The following EIPR1 variants were observed in gnomAD, a reference collection of about 807,000 sequenced individuals.
EIPR1 encodes the protein EARP and GARP complex-interacting protein 1.
In EIPR1, 25 loss-of-function variants were observed where a neutral mutation model predicts 48.1. That is an observed-to-expected ratio of 0.52 (90% CI 0.38 to 0.73). The LOEUF is 0.73. EIPR1 is among the 30% of genes least tolerant of loss of function. EIPR1 has a pLI of 0.00. For missense variants in EIPR1, 415 were observed against 506.2 expected (o/e 0.82, Z 1.73); for synonymous variants, 204 against 201.9 (o/e 1.01, Z -0.09).
intron 1 of EIPR1, among the ~76,000 whole-genome samples, chr2:3,372,634 A>C (rs1291139333): frequency 6.6e-6 from 1 of 152,216 alleles, no homozygotes; most frequent in Non-Finnish European, 1.5e-5. Flanking sequence ...ATCTAGAAGA[A>C]ATGGATAAAT....
intron 6 of EIPR1, among the ~76,000 whole-genome samples, chr2:3,196,150 T>C (rs1165595140): frequency 1.3e-5 from 2 of 152,200 alleles, no homozygotes; most frequent in Non-Finnish European, 2.9e-5. Context: ...AAGTGATTCT[T>C]TATTAGCCCC....
At chr2:3,246,142 C>T (rs932480399) in intron 4 of EIPR1, among the ~76,000 whole-genome samples, 4 of 152,164 alleles carry the variant, frequency 2.6e-5, no homozygotes, top group African/African-American at 7.2e-5. Flanking sequence ...TAATCACAGA[C>T]AATTCCCTAC....
chr2:3,342,137 GAATA>G (rs754743445), intron 2 of EIPR1, among the ~76,000 whole-genome samples: 1 of 151,844 alleles, frequency 6.6e-6, no homozygotes, highest in Non-Finnish European at 1.5e-5. Flanking sequence ...CTGCCCCAAA[GAATA>G]AATGAACAAA....
chr2:3,197,528 T>C (rs1425354210), intron 5 of EIPR1, among the ~76,000 whole-genome samples: 2 of 152,176 alleles, frequency 1.3e-5, no homozygotes, highest in African/African-American at 4.8e-5. Flanking sequence ...GAGCTGACCA[T>C]GAAGGCCTCA....
chr2:3,193,912 T>C (rs1656470972), intron 7 of EIPR1, 87 bp downstream of exon 7: 5 of 1,473,378 alleles, frequency 3.4e-6, no homozygotes, highest in Non-Finnish European at 3.7e-6. Context: ...CAAACTAAGC[T>C]GGTTTGTGTC....
chr2:3,279,447 C>T (rs1179970908), intron 3 of EIPR1, among the ~76,000 whole-genome samples: 1 of 152,202 alleles, frequency 6.6e-6, no homozygotes, highest in Non-Finnish European at 1.5e-5. Flanking sequence ...GACATCATAC[C>T]AGGCAAGGTC....
At chr2:3,308,043 C>T (rs796706126) in intron 3 of EIPR1, among the ~76,000 whole-genome samples, 7 of 152,290 alleles carry the variant, frequency 4.6e-5, no homozygotes, top group African/African-American at 1.7e-4. Context: ...CACACCAGCC[C>T]CAGGAAGAAC....
intron 3 of EIPR1, among the ~76,000 whole-genome samples, chr2:3,280,180 T>C (rs544012006): frequency 6.6e-6 from 1 of 152,360 alleles, no homozygotes; most frequent in Non-Finnish European, 1.5e-5. Flanking sequence ...CAAAACACTC[T>C]TCCTTCCACA....
rs373675281 is a variant in EIPR1 at position 3,274,302 on chromosome 2, C to T, written c.260-16847G>A. On this transcript the variant is annotated intron_variant, in intron 3 of 8. Transcript: ENST00000382125. ...ATCCACTCCTGGACACACTGTAGCA[C>T]AAATGCAGAACACCAAAGACAAAGA... The T allele has an allele frequency of 4.3e-5, 67 of 1,550,064 alleles. 1 individual carries two copies. The East Asian group carries it at 1.5e-3, about 35-fold the overall frequency.
intron 3 of EIPR1, among the ~76,000 whole-genome samples, chr2:3,337,564 G>C (rs1193649430): frequency 6.6e-6 from 1 of 152,166 alleles, no homozygotes; most frequent in Non-Finnish European, 1.5e-5. Flanking sequence ...CAAGAGCCTA[G>C]AGAGCACAAC....
intron 5 of EIPR1, among the ~76,000 whole-genome samples, chr2:3,204,888 C>T (rs944950946): frequency 2.6e-5 from 4 of 151,632 alleles, no homozygotes; most frequent in Admixed American, 2.0e-4. Context: ...ACGTGTAGGC[C>T]GTGCTCACAG....
intron 4 of EIPR1, among the ~76,000 whole-genome samples, chr2:3,232,779 ATC>A (rs1666282804): frequency 6.6e-6 from 1 of 152,188 alleles, no homozygotes; most frequent in African/African-American, 2.4e-5. Context: ...GTGGATGGTT[ATC>A]TACTCCGTCT....
chr2:3,340,157 A>C (rs1042290523), intron 2 of EIPR1, among the ~76,000 whole-genome samples: 15 of 152,212 alleles, frequency 9.9e-5, no homozygotes, highest in Non-Finnish European at 2.9e-5. Flanking sequence ...AGTATCAGCT[A>C]TTTCTTAATA....
intron 2 of EIPR1, among the ~76,000 whole-genome samples, chr2:3,347,230 T>A (rs987096042): frequency 6.6e-6 from 1 of 152,150 alleles, no homozygotes; most frequent in East Asian, 1.9e-4. Context: ...TATTTCTACA[T>A]AGCAATGCAA....
chr2:3,323,188 C>G (rs1669588282), intron 3 of EIPR1, among the ~76,000 whole-genome samples: 1 of 151,806 alleles, frequency 6.6e-6, no homozygotes, highest in Admixed American at 6.6e-5. Flanking sequence ...TCCATATTTG[C>G]AATGATTCCA....
chr2:3,255,622 T>C (rs1158230062), intron 4 of EIPR1, among the ~76,000 whole-genome samples: 1 of 152,196 alleles, frequency 6.6e-6, no homozygotes, highest in African/African-American at 2.4e-5. Flanking sequence ...TGAGAAGCAG[T>C]CTGACAGCTC....
intron 4 of EIPR1, among the ~76,000 whole-genome samples, chr2:3,248,758 G>T (rs1048528611): frequency 3.3e-5 from 5 of 152,154 alleles, no homozygotes; most frequent in African/African-American, 1.2e-4. Context: ...GCGACAAAGT[G>T]AGACTGTCTA....
At chr2:3,281,682 A>G (rs1175191641) in intron 3 of EIPR1, among the ~76,000 whole-genome samples, 2 of 152,220 alleles carry the variant, frequency 1.3e-5, no homozygotes, top group South Asian at 2.1e-4. Context: ...CAGCATTGAC[A>G]TTCATTATGT....
At chr2:3,198,403 G>A (rs946706022) in intron 5 of EIPR1, among the ~76,000 whole-genome samples, 3 of 152,142 alleles carry the variant, frequency 2.0e-5, no homozygotes, top group Admixed American at 6.5e-5. Flanking sequence ...CAGACACTGC[G>A]CTCAGTCAGG....
Sources: gnomAD v4.1 joint callset for allele counts (sites outside exome capture counted in the v4.1 genomes callset) on GRCh38, gnomAD v4.1.1 for gene constraint, MANE v1.5 for transcripts, NCBI Gene and HGNC (gene_info 2026-07-23, HGNC 2026-07-21) for gene names.